STXBP5L: variants seen among roughly 807,000 people sequenced by gnomAD.
STXBP5L encodes syntaxin-binding protein 5-like.
Under a neutral mutation model 144.5 loss-of-function variants are expected in STXBP5L, and 65 were observed. That is an observed-to-expected ratio of 0.45 (90% confidence interval 0.37 to 0.55). STXBP5L has a LOEUF of 0.55. Among genes scored for constraint, STXBP5L ranks in the 20% least tolerant of loss-of-function variants. The pLI, the probability that STXBP5L is intolerant of heterozygous loss-of-function variation, is 0.00. For synonymous variants in STXBP5L, 505 were observed against 469.6 expected (o/e 1.08, Z -0.97); for missense variants, 1,298 against 1,405.5 (o/e 0.92, Z 1.22).
At chr3:121,052,116 G>A (rs1287470401) in intron 5 of STXBP5L, among the ~76,000 whole-genome samples, 3 of 152,112 alleles carry the variant, frequency 2.0e-5, no homozygotes, top group South Asian at 4.1e-4. Flanking sequence ...AACAGTCCAG[G>A]ACCAGATGGA....
chr3:121,070,716 T>G (rs114089649), intron 5 of STXBP5L, among the ~76,000 whole-genome samples: 35 of 152,228 alleles, frequency 2.3e-4, no homozygotes, highest in South Asian at 1.9e-3. Flanking sequence ...GTTTTTCTTG[T>G]CCTAGATTTT....
At chr3:121,003,398 G>A (rs565440522) in intron 3 of STXBP5L, among the ~76,000 whole-genome samples, 3 of 151,906 alleles carry the variant, frequency 2.0e-5, no homozygotes, top group Admixed American at 2.0e-4. Flanking sequence ...CTTTTTAATG[G>A]GGTTGTTTCT....
chr3:120,938,906 C>T (rs942775486), intron 2 of STXBP5L, among the ~76,000 whole-genome samples: 4 of 152,132 alleles, frequency 2.6e-5, no homozygotes, highest in African/African-American at 9.6e-5. Context: ...TCATCCTTCC[C>T]AAGTAGCTGG....
chr3:121,329,326 C>T (rs13073342), intron 20 of STXBP5L, among the ~76,000 whole-genome samples: 1,626 of 152,272 alleles, frequency 0.011, 17 homozygotes, highest in Non-Finnish European at 0.014. Flanking sequence ...CCTAAGGATA[C>T]CTGGAGGTGT....
chr3:121,354,451 C>G (rs564868138), intron 20 of STXBP5L, among the ~76,000 whole-genome samples: 2 of 139,508 alleles, frequency 1.4e-5, no homozygotes, highest in Admixed American at 1.4e-4. Flanking sequence ...TTCTTTGTCT[C>G]TTTTGATCTT....
chr3:121,019,171 C>A (rs1475957624), intron 3 of STXBP5L, among the ~76,000 whole-genome samples: 1 of 152,158 alleles, frequency 6.6e-6, no homozygotes, highest in Non-Finnish European at 1.5e-5. Flanking sequence ...GAATGTATCT[C>A]CATTGGCCTG....
chr3:120,927,002 C>A (rs1050757780), intron 2 of STXBP5L, among the ~76,000 whole-genome samples: 2 of 148,502 alleles, frequency 1.3e-5, no homozygotes, highest in African/African-American at 2.5e-5. Flanking sequence ...GTAGCACGAT[C>A]TTGGCTCACT....
intron 3 of STXBP5L, among the ~76,000 whole-genome samples, chr3:121,013,400 G>A (rs1331964805): frequency 1.3e-5 from 2 of 152,042 alleles, no homozygotes; most frequent in East Asian, 3.8e-4. Flanking sequence ...ACTGGTGTGA[G>A]ATGGTATCAT....
At chr3:121,015,128 C>T (rs937729595) in intron 3 of STXBP5L, among the ~76,000 whole-genome samples, 1 of 152,046 alleles carries the variant, frequency 6.6e-6, no homozygotes, top group African/African-American at 2.4e-5. Context: ...ATGATCTCAG[C>T]ATGGTTTGTT....
At position 120,914,632 on chromosome 3, in the gene STXBP5L, A is replaced by C. The variant is rs111986700; in HGVS notation, c.189+4865A>C. Among the ~76,000 whole-genome samples the C allele has an allele frequency of 2.9e-3, 442 of 152,176 alleles. 1 individual carries two copies. Among genetic ancestry groups the C allele is most frequent in the Non-Finnish European group, 4.5e-3 (308 of 67,940 alleles). ...CTCCTAATTTCACTCCATTTTACTT[A>C]AGCGGTTTTGCAACTGAGATTGGGA... On this transcript the variant is annotated intron_variant, in intron 2 of 26. Coordinates refer to ENST00000471454, the MANE Select transcript of STXBP5L (RefSeq NM_001308330.2).
chr3:121,098,140 G>T (rs187524089), intron 5 of STXBP5L, among the ~76,000 whole-genome samples: 41 of 152,190 alleles, frequency 2.7e-4, no homozygotes, highest in Admixed American at 1.5e-3. Context: ...CTAATATCTT[G>T]ATATGTTTTT....
chr3:121,188,808 T>A (rs2047509110), intron 9 of STXBP5L, among the ~76,000 whole-genome samples: 1 of 152,130 alleles, frequency 6.6e-6, no homozygotes, highest in South Asian at 2.1e-4. Flanking sequence ...GGAACATATC[T>A]CCAAATAATA....
intron 20 of STXBP5L, among the ~76,000 whole-genome samples, chr3:121,320,173 T>G (rs1221781535): frequency 6.6e-6 from 1 of 152,186 alleles, no homozygotes. Flanking sequence ...TGTTTATGTG[T>G]GTCTACTTTC....
chr3:121,418,540 T>C lies in STXBP5L; in HGVS notation c.3430T>C (p.Ser1144Pro). The change falls in exon 26 of 27, where the codon TCC becomes CCC. Residue 1144 changes from serine (S) to proline (P), a missense_variant. Coordinates refer to ENST00000471454, the MANE Select transcript of STXBP5L (RefSeq NM_001308330.2). ...CATGATGACCAGTGCAGAAGCATTTTCCAAACATGCACATGAGGTAAACTG... is the reference window on the plus strand; with the variant it reads ...CATGATGACCAGTGCAGAAGCATTTCCCAAACATGCACATGAGGTAAACTG... ...AGMMTSAEAF[S>P]KHAHELMLKY... 6.2e-7 allele frequency: 1 copy of C among 1,614,004 alleles called. No homozygotes were observed. Among genetic ancestry groups the C allele is most frequent in the Non-Finnish European group, 8.5e-7 (1 of 1,179,952 alleles).
chr3:121,368,991 T>C (rs955888308), intron 20 of STXBP5L, among the ~76,000 whole-genome samples: 1 of 152,182 alleles, frequency 6.6e-6, no homozygotes, highest in Non-Finnish European at 1.5e-5. Flanking sequence ...TGCACTTCTG[T>C]GATCAGAAGC....
chr3:121,341,221 A>G (rs939701281), intron 20 of STXBP5L, among the ~76,000 whole-genome samples: 3 of 152,194 alleles, frequency 2.0e-5, no homozygotes, highest in African/African-American at 7.2e-5. Flanking sequence ...ACATTTCTCA[A>G]CATAAGACAT....
chr3:121,194,442 G>GCA (rs2047837810), intron 9 of STXBP5L, among the ~76,000 whole-genome samples: 1 of 38,142 alleles, frequency 2.6e-5, no homozygotes, highest in South Asian at 1.1e-3. Context: ...GGCCTAGGCA[G>GCA]GAGGATTGCT....
intron 3 of STXBP5L, among the ~76,000 whole-genome samples, chr3:120,981,362 A>G (rs950291406): frequency 1.3e-5 from 2 of 152,006 alleles, no homozygotes; most frequent in Non-Finnish European, 2.9e-5. Flanking sequence ...AAATAATCCC[A>G]TGTTTCTCAA....
At chr3:121,250,626 A>G (rs1359789908) in intron 14 of STXBP5L, 97 bp from the exon 15 acceptor site, 17 of 1,017,350 alleles carry the variant, frequency 1.7e-5, no homozygotes, top group Non-Finnish European at 2.3e-5. Flanking sequence ...TTTTGAATCA[A>G]AATTGTATCA....
Sources: gnomAD v4.1 joint callset for allele counts (sites outside exome capture counted in the v4.1 genomes callset) on GRCh38, gnomAD v4.1.1 for gene constraint, MANE v1.5 for transcripts, NCBI Gene and HGNC (gene_info 2026-07-23, HGNC 2026-07-21) for gene names.